The following PTPRD variants were observed in gnomAD, a reference collection of about 807,000 sequenced individuals.
PTPRD encodes protein tyrosine phosphatase receptor type D.
A neutral mutation model predicts 214.5 loss-of-function variants in PTPRD; 34 were observed. The ratio of observed to expected loss-of-function variants is 0.16; its 90% CI spans 0.12 to 0.21. PTPRD has a LOEUF of 0.21. Among genes scored for constraint, PTPRD ranks in the 10% least tolerant of loss-of-function variants. The probability of loss-of-function intolerance (pLI) is 1.00; values close to 1 mark genes in which losing one functional copy is unlikely to be tolerated. For synonymous variants in PTPRD, 1,128 were observed against 845.7 expected (o/e 1.33, Z -5.79); for missense variants, 2,545 against 2,398.7 (o/e 1.06, Z -1.27).
rs575554238 is a variant in PTPRD at position 10,053,278 on chromosome 9, A to T, written c.-544-19488T>A. On this transcript the variant is annotated intron_variant, in intron 3 of 45. Coordinates refer to ENST00000381196, the MANE Select transcript of PTPRD (RefSeq NM_002839.4). ...GAAGTTTAATATTTTAGCTGCAACA[A>T]TTAGAAAACACAAAGAAGCCCAATG... Among the ~76,000 whole-genome samples, 17 of 152,316 alleles carry T rather than the reference A, an allele frequency of 1.1e-4. 1 individual carries two copies. In the East Asian group the frequency reaches 3.3e-3, roughly 29 times the overall value.
At chr9:9,320,485 T>C (rs984191992) in intron 9 of PTPRD, among the ~76,000 whole-genome samples, 5 of 152,156 alleles carry the variant, frequency 3.3e-5, no homozygotes, top group Non-Finnish European at 7.3e-5. Context: ...AAACTAAATA[T>C]TGTTATAAAT....
At chr9:8,553,418 C>T (rs1478654959) in intron 14 of PTPRD, among the ~76,000 whole-genome samples, 1 of 152,124 alleles carries the variant, frequency 6.6e-6, no homozygotes, top group Non-Finnish European at 1.5e-5. Flanking sequence ...ATTTGGTTTG[C>T]TTTCATGTAT....
chr9:10,545,375 T>A (rs1187477330), intron 2 of PTPRD, among the ~76,000 whole-genome samples: 1 of 152,180 alleles, frequency 6.6e-6, no homozygotes, highest in African/African-American at 2.4e-5. Flanking sequence ...TGAGGGGTCA[T>A]TTCTTTCAGA....
intron 7 of PTPRD, among the ~76,000 whole-genome samples, chr9:9,673,618 AAAAAT>A (rs1296120664): frequency 1.4e-4 from 22 of 151,776 alleles, no homozygotes; most frequent in African/African-American, 5.3e-4. Context: ...TAGATGAATG[AAAAAT>A]AATATTTGAT....
chr9:9,216,385 G>A (rs527451986), intron 9 of PTPRD, among the ~76,000 whole-genome samples: 8 of 152,126 alleles, frequency 5.3e-5, no homozygotes, highest in Admixed American at 2.0e-4. Flanking sequence ...TACTTGCTTC[G>A]CAGGGTTACA....
intron 35 of PTPRD, among the ~76,000 whole-genome samples, chr9:8,425,649 A>T (rs2094612319): frequency 1.3e-5 from 2 of 150,280 alleles, no homozygotes; most frequent in South Asian, 4.2e-4. Flanking sequence ...CTTAACAATT[A>T]TTTTTTGTTT....
intron 4 of PTPRD, among the ~76,000 whole-genome samples, chr9:10,009,847 T>C (rs1342218027): frequency 1.3e-5 from 2 of 151,892 alleles, no homozygotes; most frequent in African/African-American, 2.4e-5. Context: ...CTGCTTGGAA[T>C]TTGGTATATT....
At chr9:9,947,607 T>A (rs867191341) in intron 4 of PTPRD, among the ~76,000 whole-genome samples, 125 of 58,090 alleles carry the variant, frequency 2.2e-3, no homozygotes, top group African/African-American at 4.1e-3. Flanking sequence ...ATATATATAT[T>A]TTATATATAT....
intron 39 of PTPRD, among the ~76,000 whole-genome samples, chr9:8,372,977 A>G (rs1327062468): frequency 1.3e-5 from 2 of 152,022 alleles, no homozygotes; most frequent in African/African-American, 4.8e-5. Context: ...ATAGAAAAAA[A>G]GTTTAGTACA....
intron 8 of PTPRD, among the ~76,000 whole-genome samples, chr9:9,572,569 A>G (rs1221245034): frequency 6.9e-6 from 1 of 145,228 alleles, no homozygotes; most frequent in Non-Finnish European, 1.5e-5. Flanking sequence ...ATGTATATAT[A>G]TATATATATA....
At chr9:8,346,691 C>T (rs1447683614) in intron 39 of PTPRD, among the ~76,000 whole-genome samples, 1 of 152,064 alleles carries the variant, frequency 6.6e-6, no homozygotes, top group Non-Finnish European at 1.5e-5. Context: ...CCTTATTTTA[C>T]TTGATGGCCC....
chr9:10,233,275 A>G (rs1309171547), intron 3 of PTPRD, among the ~76,000 whole-genome samples: 1 of 152,000 alleles, frequency 6.6e-6, no homozygotes, highest in East Asian at 1.9e-4. Context: ...AGAGGTTGCT[A>G]AAATTCTTCC....
intron 3 of PTPRD, among the ~76,000 whole-genome samples, chr9:10,286,473 A>T (rs1414054691): frequency 6.6e-6 from 1 of 151,870 alleles, no homozygotes; most frequent in Non-Finnish European, 1.5e-5. Flanking sequence ...ATTAAAAATT[A>T]AAAAAAAATT....
chr9:9,383,423 T>C (rs979873339), intron 9 of PTPRD, among the ~76,000 whole-genome samples: 1 of 152,172 alleles, frequency 6.6e-6, no homozygotes, highest in African/African-American at 2.4e-5. Context: ...ATTTGTATAA[T>C]GTGATTTACA....
chr9:8,966,257 AT>A (rs771475644), intron 11 of PTPRD, among the ~76,000 whole-genome samples: 3 of 152,096 alleles, frequency 2.0e-5, no homozygotes, highest in Non-Finnish European at 4.4e-5. Context: ...AACTGCTAAT[AT>A]TCATATTGAA....
At position 10,567,681 on chromosome 9, in the gene PTPRD, C is replaced by T. The variant is rs535863967; in HGVS notation, c.-600+44717G>A. 1.6e-3 allele frequency among the ~76,000 whole-genome samples: 236 copies of T among 151,900 alleles called. 2 individuals are homozygous for T. The highest frequency in any genetic ancestry group is 5.4e-3 in the African/African-American group (225 of 41,462). The stretch of plus-strand genomic sequence containing the variant: ...AACAGTAAATACAAACTTTTAAATA[C>T]ACATTGTTTTAAAAAAACCTTTGGT... On this transcript the variant is annotated intron_variant, in intron 2 of 45. Coordinates refer to ENST00000381196, the MANE Select transcript of PTPRD (RefSeq NM_002839.4).
At chr9:8,453,152 T>C (rs1196911381) in intron 33 of PTPRD, among the ~76,000 whole-genome samples, 1 of 152,064 alleles carries the variant, frequency 6.6e-6, no homozygotes, top group Admixed American at 6.6e-5. Context: ...AAGCATTAAG[T>C]TGTAAAATAT....
chr9:9,089,666 C>T (rs1325944209), intron 10 of PTPRD, among the ~76,000 whole-genome samples: 1 of 152,104 alleles, frequency 6.6e-6, no homozygotes, highest in Admixed American at 6.6e-5. Flanking sequence ...GTTCTCCTCT[C>T]CAATTTTTCC....
chr9:10,167,246 C>A (rs146392862), intron 3 of PTPRD, among the ~76,000 whole-genome samples: 3 of 151,594 alleles, frequency 2.0e-5, no homozygotes, highest in African/African-American at 7.3e-5. Flanking sequence ...AATAGTGGAG[C>A]TAATTCTCAC....
Sources: allele counts gnomAD v4.1 joint callset (sites outside exome capture counted in the v4.1 genomes callset), GRCh38; gene constraint gnomAD v4.1.1; transcripts MANE v1.5; gene names NCBI Gene and HGNC (gene_info 2026-07-23, HGNC 2026-07-21).